AGBL3: variants seen among roughly 807,000 people sequenced by gnomAD.
AGBL3 encodes cytosolic carboxypeptidase 3.
Under a neutral mutation model 94.5 loss-of-function variants are expected in AGBL3, and 68 were observed. The observed-to-expected ratio is 0.72, with a 90% CI of 0.59 to 0.88. The LOEUF is 0.88. Ranked by LOEUF, AGBL3 falls within the 40% of genes least tolerant of loss-of-function variation. The probability of loss-of-function intolerance (pLI) is 0.00; values close to 1 mark genes in which losing one functional copy is unlikely to be tolerated. For synonymous variants in AGBL3, 354 were observed against 370.7 expected (o/e 0.95, Z 0.52); for missense variants, 934 against 1,103.8 (o/e 0.85, Z 2.18).
Position 135,034,547 on chromosome 7 carries a change from G to A in AGBL3, c.956G>A (p.Arg319Gln), listed in dbSNP as rs371182528. ...TCTGGCATCAATAATGATCCAGTAC[G>A]GTCAAAGTTTTGTAAAATACGTGTT... ...YLSGINNDPV[R>Q]SKFCKIRVLC... is the part of the protein sequence containing the mutation. Residue 319 changes from arginine (R) to glutamine (Q), a missense_variant, in exon 7 of 17, where the codon CGG becomes CAG. Physicochemically the swap from Arg to Gln is conservative, Grantham distance 43. Transcript: ENST00000436302. 3.1e-5 allele frequency: 48 copies of A among 1,551,678 alleles called. No individual in the cohort carries two copies. The highest frequency in any genetic ancestry group is 3.2e-5 in the Non-Finnish European group (37 of 1,147,020).
chr7:135,059,367 T>C (rs1377320908), intron 12 of AGBL3, 132 bp downstream of exon 12: 1 of 525,110 alleles, frequency 1.9e-6, no homozygotes, highest in East Asian at 3.4e-5. Context: ...ACTATGTAGA[T>C]ATTTTAAATC....
intron 16 of AGBL3, among the ~76,000 whole-genome samples, chr7:135,119,721 C>T (rs1826865244): frequency 1.3e-5 from 2 of 151,862 alleles, no homozygotes; most frequent in Non-Finnish European, 1.5e-5. Flanking sequence ...ACTAAAAATA[C>T]AAAAAATTAG....
At chr7:135,129,444 A>G in intron 16 of AGBL3, 5 of 781,968 alleles carry the variant, frequency 6.4e-6, no homozygotes, top group Non-Finnish European at 1.2e-5. Flanking sequence ...AGAGATGGAA[A>G]GTAAGGAGTG....
chr7:135,042,284 C>G (rs908757185), intron 8 of AGBL3, among the ~76,000 whole-genome samples: 2 of 152,182 alleles, frequency 1.3e-5, no homozygotes, highest in Non-Finnish European at 2.9e-5. Context: ...TGTCCTTTAA[C>G]TGGTAAATGG....
At chr7:135,122,191 C>T (rs965289836) in intron 16 of AGBL3, among the ~76,000 whole-genome samples, 2 of 152,226 alleles carry the variant, frequency 1.3e-5, no homozygotes, top group Non-Finnish European at 2.9e-5. Context: ...CTGTGCTTTT[C>T]CTCTGCTGGA....
chr7:135,097,715 T>C (rs929765484), intron 15 of AGBL3, among the ~76,000 whole-genome samples: 1 of 152,132 alleles, frequency 6.6e-6, no homozygotes, highest in African/African-American at 2.4e-5. Flanking sequence ...ATGAGACTTC[T>C]GACTTTATGG....
At chr7:135,015,326 C>T (rs1813642605) in intron 4 of AGBL3, among the ~76,000 whole-genome samples, 1 of 152,160 alleles carries the variant, frequency 6.6e-6, no homozygotes, top group South Asian at 2.1e-4. Context: ...ACATTATTTA[C>T]ATTTAAGGAA....
intron 5 of AGBL3, among the ~76,000 whole-genome samples, chr7:135,030,446 GA>G (rs1175204585): frequency 1.3e-5 from 2 of 152,128 alleles, no homozygotes; most frequent in Non-Finnish European, 2.9e-5. Flanking sequence ...TGTAAAGCTG[GA>G]AAATCATAAG....
chr7:135,068,842 A>G (rs536775698), intron 12 of AGBL3, among the ~76,000 whole-genome samples: 1 of 152,228 alleles, frequency 6.6e-6, no homozygotes, highest in Non-Finnish European at 1.5e-5. Context: ...CGAGCAAAAT[A>G]ACCAGCTAAC....
chr7:135,010,309 GTTT>G lies in AGBL3; in HGVS notation c.311-6732_311-6730del, dbSNP rs752174552. The G allele has an allele frequency of 1.2e-3, 308 of 252,306 alleles. 2 individuals are homozygous for G. The highest frequency in any genetic ancestry group is 6.5e-3 in the African/African-American group (261 of 40,276). 15.6% of individuals were successfully genotyped at this position (252,306 alleles called of 1,614,324 possible). A position where few individuals can be genotyped will look rare whatever the true frequency, so the allele number is the denominator to read the frequency against. On this transcript the variant is annotated intron_variant, in intron 4 of 16. Coordinates refer to ENST00000436302, the MANE Select transcript of AGBL3 (RefSeq NM_178563.4). Reference sequence around the variant, plus strand: ...CCAAAGTGCTGGGTTTTTTTTTGTTGTTTTTTTTTTTTTAACATTCTGTATCTC... The same window carrying G: ...CCAAAGTGCTGGGTTTTTTTTTGTTGTTTTTTTTTTAACATTCTGTATCTC...
chr7:135,115,101 G>A (rs1003217043), intron 15 of AGBL3, among the ~76,000 whole-genome samples: 1 of 152,064 alleles, frequency 6.6e-6, no homozygotes, highest in African/African-American at 2.4e-5. Context: ...TGAGATGTCA[G>A]CTTCATAAGG....
At chr7:135,064,248 C>G (rs1819086646) in intron 12 of AGBL3, among the ~76,000 whole-genome samples, 2 of 152,158 alleles carry the variant, frequency 1.3e-5, no homozygotes, top group South Asian at 4.1e-4. Context: ...CTGTCATTTT[C>G]TAGGAAAACC....
At chr7:135,006,002 A>C (rs1812337867) in intron 4 of AGBL3, among the ~76,000 whole-genome samples, 1 of 151,824 alleles carries the variant, frequency 6.6e-6, no homozygotes, top group Admixed American at 6.6e-5. Flanking sequence ...ATCTTTTTTA[A>C]AATAGAAAAT....
At chr7:135,019,356 C>T (rs1814161546) in intron 5 of AGBL3, among the ~76,000 whole-genome samples, 1 of 152,146 alleles carries the variant, frequency 6.6e-6, no homozygotes, top group African/African-American at 2.4e-5. Flanking sequence ...TCTATGAAGT[C>T]AATTACCAAT....
chr7:134,997,159 A>G (rs1811110939), intron 4 of AGBL3, among the ~76,000 whole-genome samples: 1 of 152,114 alleles, frequency 6.6e-6, no homozygotes, highest in Non-Finnish European at 1.5e-5. Flanking sequence ...AGCACACACA[A>G]CCTAGATCCC....
intron 15 of AGBL3, among the ~76,000 whole-genome samples, chr7:135,107,280 T>C (rs1443002866): frequency 6.6e-6 from 1 of 152,214 alleles, no homozygotes; most frequent in African/African-American, 2.4e-5. Context: ...TGCTCCTGCT[T>C]CTCTAGTTAT....
At chr7:135,062,109 C>T (rs1818887907) in intron 12 of AGBL3, among the ~76,000 whole-genome samples, 1 of 152,104 alleles carries the variant, frequency 6.6e-6, no homozygotes, top group East Asian at 1.9e-4. Context: ...AGGTCTTTCA[C>T]TTCCTTGGTT....
At chr7:135,044,681 A>T (rs1197199865) in intron 9 of AGBL3, among the ~76,000 whole-genome samples, 1 of 152,102 alleles carries the variant, frequency 6.6e-6, no homozygotes, top group Non-Finnish European at 1.5e-5. Context: ...CTAGAAATCC[A>T]TATATGTACT....
At chr7:135,053,695 C>T (rs997723580) in intron 11 of AGBL3, among the ~76,000 whole-genome samples, 1 of 152,070 alleles carries the variant, frequency 6.6e-6, no homozygotes, top group Non-Finnish European at 1.5e-5. Context: ...TAAAATAATT[C>T]CTGTATTGTG....
Sources: gnomAD v4.1 joint callset for allele counts (sites outside exome capture counted in the v4.1 genomes callset) on GRCh38, gnomAD v4.1.1 for gene constraint, MANE v1.5 for transcripts, NCBI Gene and HGNC (gene_info 2026-07-23, HGNC 2026-07-21) for gene names.